Variants in MATCAP1 observed in about 807,000 individuals in gnomAD.
MATCAP1 encodes the protein microtubule-associated tyrosine carboxypeptidase 1.
At chr16:67,175,816 A>T in the MATCAP1 span, 1 of 152,232 alleles carries the variant, frequency 6.6e-6, no homozygotes, top group South Asian at 2.1e-4. Context: ...GTCTGAAGGG[A>T]AACTGGAAGC....
chr16:67,179,119 T>C, the MATCAP1 span: 1 of 1,198,068 alleles, frequency 8.3e-7, no homozygotes, highest in Non-Finnish European at 1.0e-6. This position sits in a 1 kb window ranked among gnomAD's most constrained non-coding sequence, Gnocchi z 5.2. Flanking sequence ...CTGAGGGTTC[T>C]TTCTCTGGCC....
chr16:67,180,949 A>G, the MATCAP1 span, among the ~76,000 whole-genome samples: 1 of 151,996 alleles, frequency 6.6e-6, no homozygotes, highest in African/African-American at 2.4e-5. Context: ...GCAGCCTCCA[A>G]CTCCTGGCCT....
chr16:67,182,485 A>G, the MATCAP1 span, among the ~76,000 whole-genome samples: 1 of 152,216 alleles, frequency 6.6e-6, no homozygotes, highest in Non-Finnish European at 1.5e-5. Context: ...GACTTCTTCC[A>G]TAAACTTTAG....
the MATCAP1 span, among the ~76,000 whole-genome samples, chr16:67,181,153 G>A: frequency 6.6e-6 from 1 of 152,338 alleles, no homozygotes; most frequent in African/African-American, 2.4e-5. Flanking sequence ...ACTTAATCTG[G>A]GAGGTGGTAC....
the MATCAP1 span, chr16:67,179,963 A>G: frequency 1.2e-6 from 2 of 1,614,046 alleles, no homozygotes; most frequent in African/African-American, 2.7e-5. This position sits in a 1 kb window ranked among gnomAD's most constrained non-coding sequence, Gnocchi z 5.2. Context: ...AACTGCCTGT[A>G]CACGGGGCCA....
the MATCAP1 span, chr16:67,178,243 T>C: frequency 6.4e-7 from 1 of 1,558,732 alleles, no homozygotes; most frequent in Non-Finnish European, 8.7e-7. Flanking sequence ...GCGCACGCAG[T>C]ACTCCCAGCG....
At chr16:67,176,589 C>T in the MATCAP1 span, 11 of 429,120 alleles carry the variant, frequency 2.6e-5, no homozygotes, top group Admixed American at 3.9e-4. This position sits in a 1 kb window ranked among gnomAD's most constrained non-coding sequence, Gnocchi z 4.3. Flanking sequence ...AGGAGGGCGA[C>T]TCAGTTTGCC....
chr16:67,179,796 G>T, the MATCAP1 span: 2 of 1,613,478 alleles, frequency 1.2e-6, no homozygotes, highest in East Asian at 2.2e-5. The surrounding 1 kb of genome is among the most constrained non-coding windows in gnomAD (Gnocchi z 5.2). Context: ...TAGAGGAAGG[G>T]CTCTGCAGGC....
the MATCAP1 span, chr16:67,176,144 T>C: frequency 6.8e-6 from 1 of 146,048 alleles, no homozygotes; most frequent in South Asian, 2.1e-4. This position sits in a 1 kb window ranked among gnomAD's most constrained non-coding sequence, Gnocchi z 4.3. Context: ...CTGGGAAAAT[T>C]GGTGCCTTCC....
chr16:67,180,656 A>G, the MATCAP1 span: 1 of 1,381,014 alleles, frequency 7.2e-7, no homozygotes, highest in Non-Finnish European at 9.8e-7. Flanking sequence ...AACTCCCCAC[A>G]CTGTCGACCT....
chr16:67,178,000 A>C, the MATCAP1 span: 1 of 1,610,874 alleles, frequency 6.2e-7, no homozygotes, highest in South Asian at 1.1e-5. Context: ...GAAGGTCCAC[A>C]GCCCCTCACC....
the MATCAP1 span, chr16:67,178,576 C>A: frequency 7.5e-7 from 1 of 1,342,264 alleles, no homozygotes. Context: ...CAGCCCTGGC[C>A]CTGTTCCATC....
At chr16:67,177,084 T>C in the MATCAP1 span, 1 of 907,088 alleles carries the variant, frequency 1.1e-6, no homozygotes, top group East Asian at 2.9e-5. Context: ...GACTTCTTCC[T>C]CTCCCCTCCT....
chr16:67,178,607 A>G, the MATCAP1 span: 6 of 1,018,246 alleles, frequency 5.9e-6, no homozygotes, highest in Non-Finnish European at 7.4e-6. Flanking sequence ...TCTGGCCGCG[A>G]CACTTCCATC....
At chr16:67,179,219 T>G in the MATCAP1 span, 3 of 1,392,362 alleles carry the variant, frequency 2.2e-6, no homozygotes, top group African/African-American at 4.4e-5. This position sits in a 1 kb window ranked among gnomAD's most constrained non-coding sequence, Gnocchi z 5.2. Context: ...GACCAAGAGA[T>G]GAGAGCGAGC....
the MATCAP1 span, chr16:67,180,168 A>C: frequency 6.2e-7 from 1 of 1,614,238 alleles, no homozygotes. Flanking sequence ...CTCACGGTCC[A>C]TGTTGGTTGG....
chr16:67,176,068 T>A, the MATCAP1 span: 2 of 83,078 alleles, frequency 2.4e-5, no homozygotes, highest in Non-Finnish European at 5.0e-5. The surrounding 1 kb of genome is among the most constrained non-coding windows in gnomAD (Gnocchi z 4.3). Flanking sequence ...TGTGTGTGTG[T>A]GTGTGTGTGT....
At chr16:67,180,585 G>T in the MATCAP1 span, 1 of 1,521,752 alleles carries the variant, frequency 6.6e-7, no homozygotes, top group Non-Finnish European at 8.8e-7. Context: ...CTGATCATAC[G>T]CCTGAGCCCC....
the MATCAP1 span, chr16:67,179,024 A>G: frequency 3.2e-6 from 3 of 949,766 alleles, no homozygotes; most frequent in South Asian, 1.9e-5. This position sits in a 1 kb window ranked among gnomAD's most constrained non-coding sequence, Gnocchi z 5.2. Flanking sequence ...ACCAGGTGCC[A>G]TGTGTCCTCA....
Sources: gnomAD v4.1 joint callset for allele counts (sites outside exome capture counted in the v4.1 genomes callset) on GRCh38, gnomAD v4.1.1 for gene constraint, Gnocchi (gnomAD v3.1) non-coding constraint, MANE v1.5 for transcripts, NCBI Gene and HGNC (gene_info 2026-07-23, HGNC 2026-07-21) for gene names.